Variants in EIF2AK2 observed in about 807,000 individuals in gnomAD.
EIF2AK2 encodes eukaryotic translation initiation factor 2 alpha kinase 2.
EIF2AK2 carries 40 observed loss-of-function variants against 70.5 expected under a neutral mutation model. The observed-to-expected ratio is 0.57, with a 90% confidence interval of 0.44 to 0.74. EIF2AK2 has a LOEUF of 0.74. EIF2AK2 is among the 30% of genes least tolerant of loss of function. The pLI is 0.00. For missense variants in EIF2AK2, 555 were observed against 644.3 expected (o/e 0.86, Z 1.50); for synonymous variants, 198 against 220.9 (o/e 0.90, Z 0.92).
intron 5 of EIF2AK2, among the ~76,000 whole-genome samples, chr2:37,140,200 G>C (rs531935001): frequency 1.3e-4 from 20 of 152,282 alleles, no homozygotes; most frequent in African/African-American, 4.6e-4. Context: ...TAGGGGAAGA[G>C]CAAAGCATGG....
chr2:37,111,335 A>T (rs907452510), intron 14 of EIF2AK2, among the ~76,000 whole-genome samples: 2 of 152,120 alleles, frequency 1.3e-5, no homozygotes, highest in African/African-American at 4.8e-5. Flanking sequence ...TTAAAAATAA[A>T]GAGATATATT....
chr2:37,143,550 GA>G (rs1558427369), intron 4 of EIF2AK2, among the ~76,000 whole-genome samples: 1 of 152,110 alleles, frequency 6.6e-6, no homozygotes, highest in Non-Finnish European at 1.5e-5. Flanking sequence ...AATATATGCA[GA>G]TTTTTTTTCT....
chr2:37,123,426 C>T (rs1182292997), intron 11 of EIF2AK2, among the ~76,000 whole-genome samples: 1 of 151,754 alleles, frequency 6.6e-6, no homozygotes, highest in Admixed American at 6.6e-5. Flanking sequence ...ACCACCACAC[C>T]CATCTAATTT....
chr2:37,150,305 T>C (rs1675697978), intron 1 of EIF2AK2, among the ~76,000 whole-genome samples: 1 of 152,180 alleles, frequency 6.6e-6, no homozygotes, highest in African/African-American at 2.4e-5. Context: ...CTCAGTATCA[T>C]AAGTCACTTG....
intron 10 of EIF2AK2, among the ~76,000 whole-genome samples, chr2:37,128,080 T>G (rs1490037158): frequency 2.0e-5 from 3 of 152,152 alleles, no homozygotes; most frequent in African/African-American, 7.2e-5. Context: ...GTCATCCCCA[T>G]GAAACTCCAT....
chr2:37,120,267 AAACAC>A, intron 12 of EIF2AK2, 128 bp from the exon 13 acceptor site: 1 of 608,202 alleles, frequency 1.6e-6, no homozygotes, highest in Non-Finnish European at 2.3e-6. Context: ...AGAACCCCAA[AAACAC>A]TTTGGGAGGC....
At chr2:37,134,666 C>T (rs970396145) in intron 10 of EIF2AK2, among the ~76,000 whole-genome samples, 1 of 152,196 alleles carries the variant, frequency 6.6e-6, no homozygotes, top group African/African-American at 2.4e-5. Flanking sequence ...CCTTGACCAC[C>T]TGGAGTAATG....
chr2:37,136,887 A>G (rs1225783193), intron 9 of EIF2AK2, 96 bp downstream of exon 9: 9 of 1,138,816 alleles, frequency 7.9e-6, no homozygotes, highest in Non-Finnish European at 1.1e-5. Context: ...CTCTGCTCAA[A>G]TAAGGGTGTA....
intron 14 of EIF2AK2, 21 bp downstream of exon 14, chr2:37,114,704 TATAGAC>T: frequency 6.6e-7 from 1 of 1,518,272 alleles, no homozygotes; most frequent in Non-Finnish European, 8.8e-7. Context: ...AGAAGTAAAA[TATAGAC>T]AGACAGGAAA....
At chr2:37,118,238 C>A (rs963958308) in intron 13 of EIF2AK2, among the ~76,000 whole-genome samples, 3 of 151,964 alleles carry the variant, frequency 2.0e-5, no homozygotes, top group Non-Finnish European at 2.9e-5. Context: ...TGCTTGAGCC[C>A]AGGAGGTCAA....
Position 37,107,173 on chromosome 2 carries a change from A to G in EIF2AK2, c.*100T>C, listed in dbSNP as rs186609289. The G allele has an allele frequency of 3.6e-5, 49 of 1,354,694 alleles. 1 individual carries two copies. In the Admixed American group the frequency reaches 1.1e-3, roughly 30 times the overall value. 83.9% of individuals were successfully genotyped at this position (1,354,694 alleles called of 1,614,324 possible). On this transcript the variant is annotated 3_prime_UTR_variant, in exon 17 of 17. Transcript: ENST00000233057. ...AAAATAGTAAAAAATTAAAGGAAACATTAAAATAAAAGGTAAATATCTATT... is the reference window on the plus strand; with the variant it reads ...AAAATAGTAAAAAATTAAAGGAAACGTTAAAATAAAAGGTAAATATCTATT...
At chr2:37,142,134 TTTTTTAA>T (rs1675355425) in intron 4 of EIF2AK2, among the ~76,000 whole-genome samples, 1 of 152,142 alleles carries the variant, frequency 6.6e-6, no homozygotes, top group South Asian at 2.1e-4. Context: ...GTTTTGATAT[TTTTTTAA>T]TTTTTTTCAG....
At chr2:37,129,883 C>T (rs147105433) in intron 10 of EIF2AK2, among the ~76,000 whole-genome samples, 107 of 152,270 alleles carry the variant, frequency 7.0e-4, no homozygotes, top group African/African-American at 2.6e-3. Context: ...AGAACCCTTC[C>T]TCAGACATTC....
chr2:37,154,417 T>C (rs927040843), intron 1 of EIF2AK2, among the ~76,000 whole-genome samples: 2 of 152,150 alleles, frequency 1.3e-5, no homozygotes, highest in Non-Finnish European at 2.9e-5. Context: ...TTTGTCGAGG[T>C]TACCAATGGC....
intron 4 of EIF2AK2, 112 bp from the exon 5 acceptor site, chr2:37,141,813 T>C (rs1457296272): frequency 8.6e-7 from 1 of 1,156,818 alleles, no homozygotes; most frequent in Non-Finnish European, 1.2e-6. Context: ...ACAACTTGGA[T>C]GTTATATATT....
chr2:37,125,412 A>T (rs1025022172), intron 11 of EIF2AK2, among the ~76,000 whole-genome samples: 2 of 152,254 alleles, frequency 1.3e-5, no homozygotes, highest in Non-Finnish European at 2.9e-5. Flanking sequence ...TGACTTGTTT[A>T]ACCAATATAA....
chr2:37,119,561 A>C (rs1451823227), intron 13 of EIF2AK2, among the ~76,000 whole-genome samples: 1 of 151,772 alleles, frequency 6.6e-6, no homozygotes, highest in Non-Finnish European at 1.5e-5. Context: ...CTAGAGAAAA[A>C]AATATATATC....
In EIF2AK2 at chr2:37,099,562, A is replaced by G. The variant is rs1389719798; in HGVS notation, c.*7711T>C. ...TGGGAGATGTTGGAACACTTTGGAA[A>G]TAACACTGAATTTGGGTTCTGAAAG... On this transcript the variant is annotated 3_prime_UTR_variant, in exon 17 of 17. Coordinates refer to ENST00000233057, the MANE Select transcript of EIF2AK2 (RefSeq NM_001135651.3). The G allele has an allele frequency of 6.6e-6, 1 of 152,240 alleles. No individual in the cohort carries two copies. The highest frequency in any genetic ancestry group is 1.5e-5 in the Non-Finnish European group (1 of 68,036). 9.4% of individuals were successfully genotyped at this position (152,240 alleles called of 1,614,324 possible).
At chr2:37,111,398 C>CTT (rs567678890) in intron 14 of EIF2AK2, among the ~76,000 whole-genome samples, 10 of 130,866 alleles carry the variant, frequency 7.6e-5, no homozygotes, top group Non-Finnish European at 1.0e-4. Flanking sequence ...AATTTCTTTT[C>CTT]TTTTTTTTTT....
Sources: allele counts gnomAD v4.1 joint callset (sites outside exome capture counted in the v4.1 genomes callset), GRCh38; gene constraint gnomAD v4.1.1; transcripts MANE v1.5; gene names NCBI Gene and HGNC (gene_info 2026-07-23, HGNC 2026-07-21).